LIN7A: variants seen among roughly 807,000 people sequenced by gnomAD.
The protein encoded by LIN7A is lin-7 cell polarity scaffold A.
LIN7A carries 25 observed loss-of-function variants against 29.8 expected under a neutral mutation model. The ratio of observed to expected loss-of-function variants is 0.84; its 90% CI spans 0.61 to 1.17. The LOEUF (loss-of-function observed/expected upper bound fraction) is 1.17. LIN7A is among the 50% of genes most tolerant of loss of function. LIN7A has a pLI of 0.00. For synonymous variants in LIN7A, 118 were observed against 107.5 expected, an observed-to-expected ratio of 1.10 and a Z score of -0.60; for missense variants, 239 against 287.0, an observed-to-expected ratio of 0.83 and a Z score of 1.21.
intron 1 of LIN7A, among the ~76,000 whole-genome samples, chr12:80,906,110 C>T (rs1021566784): frequency 6.6e-6 from 1 of 152,052 alleles, no homozygotes; most frequent in African/African-American, 2.4e-5. Context: ...ATTCTCTTGT[C>T]AGTAGATACA....
intron 4 of LIN7A, among the ~76,000 whole-genome samples, chr12:80,832,220 T>C (rs751434699): frequency 3.3e-5 from 5 of 152,202 alleles, no homozygotes; most frequent in Admixed American, 1.3e-4. Flanking sequence ...CTTAACTTGG[T>C]GTTTCTAGGA....
intron 4 of LIN7A, chr12:80,841,919 A>G: frequency 3.8e-6 from 4 of 1,039,920 alleles, no homozygotes; most frequent in Non-Finnish European, 4.7e-6. Context: ...TTCAGCATTC[A>G]GTTGTAAGGT....
At chr12:80,900,941 A>G (rs1876181683) in intron 1 of LIN7A, among the ~76,000 whole-genome samples, 1 of 152,186 alleles carries the variant, frequency 6.6e-6, no homozygotes, top group Non-Finnish European at 1.5e-5. Flanking sequence ...AAAGAACCGA[A>G]GGGTATGACT....
intron 4 of LIN7A, among the ~76,000 whole-genome samples, chr12:80,811,938 T>C (rs574572423): frequency 1.1e-3 from 172 of 152,278 alleles, no homozygotes; most frequent in Non-Finnish European, 2.0e-3. Context: ...AAGACCTAAA[T>C]TATAATGCTA....
chr12:80,918,854 T>C (rs562082517), intron 1 of LIN7A, among the ~76,000 whole-genome samples: 1 of 152,358 alleles, frequency 6.6e-6, no homozygotes, highest in South Asian at 2.1e-4. Context: ...AGGAGCTGCA[T>C]ATATGATAAT....
chr12:80,918,675 A>T (rs549664778), intron 1 of LIN7A, among the ~76,000 whole-genome samples: 12 of 152,256 alleles, frequency 7.9e-5, no homozygotes, highest in African/African-American at 2.9e-4. Context: ...TATCTGGCAC[A>T]TCTTGATATT....
chr12:80,880,592 A>G (rs1188003109), intron 2 of LIN7A, among the ~76,000 whole-genome samples: 1 of 152,180 alleles, frequency 6.6e-6, no homozygotes, highest in East Asian at 1.9e-4. Flanking sequence ...TGGTGAGGGC[A>G]ATATGTCTCT....
intron 1 of LIN7A, among the ~76,000 whole-genome samples, chr12:80,922,114 T>C (rs1281609340): frequency 2.6e-5 from 4 of 152,178 alleles, no homozygotes; most frequent in Non-Finnish European, 5.9e-5. Context: ...TGGTTAAAAA[T>C]AAAATTTTGG....
At chr12:80,878,145 T>C (rs1874814197) in intron 2 of LIN7A, among the ~76,000 whole-genome samples, 1 of 152,210 alleles carries the variant, frequency 6.6e-6, no homozygotes, top group South Asian at 2.1e-4. Context: ...AGAGTCATTA[T>C]AGATGATTTT....
At chr12:80,865,206 G>A (rs963157542) in intron 2 of LIN7A, among the ~76,000 whole-genome samples, 15 of 152,102 alleles carry the variant, frequency 9.9e-5, no homozygotes, top group Admixed American at 5.9e-4. Flanking sequence ...TGATAAGATT[G>A]TGTAGTCATA....
At chr12:80,910,577 TA>T (rs1473705897) in intron 1 of LIN7A, among the ~76,000 whole-genome samples, 1 of 152,204 alleles carries the variant, frequency 6.6e-6, no homozygotes, top group Non-Finnish European at 1.5e-5. Context: ...CTAGGTGTTT[TA>T]AAATCATGAA....
chr12:80,926,744 A>G (rs1290793054), intron 1 of LIN7A, among the ~76,000 whole-genome samples: 1 of 152,078 alleles, frequency 6.6e-6, no homozygotes, highest in Non-Finnish European at 1.5e-5. Context: ...GGTGGCTAAC[A>G]CGGTGAAACC....
rs1246654396 is a variant in LIN7A, at chr12:80,794,667, G to A, written c.*3060C>T. The A allele has an allele frequency of 1.3e-5, 2 of 152,104 alleles. No homozygotes were observed. The highest frequency in any genetic ancestry group is 4.8e-5 in the African/African-American group (2 of 41,422). The allele number at this position is 152,104 out of a possible 1,614,324, so 9.4% of individuals were successfully genotyped here. A position where few individuals can be genotyped will look rare whatever the true frequency, so the allele number is the denominator to read the frequency against. ...TAAAATCCTTAAAAAGCCTCTGCAT[G>A]CTAGATTTTGCATTTAGATCTAAGT... On this transcript the variant is annotated 3_prime_UTR_variant, in exon 6 of 6. Coordinates refer to ENST00000552864, the MANE Select transcript of LIN7A (RefSeq NM_004664.4).
intron 1 of LIN7A, among the ~76,000 whole-genome samples, chr12:80,926,535 G>C (rs958779534): frequency 6.6e-6 from 1 of 152,060 alleles, no homozygotes; most frequent in Non-Finnish European, 1.5e-5. Flanking sequence ...AATCAATCTG[G>C]AAATAATTAC....
intron 1 of LIN7A, among the ~76,000 whole-genome samples, chr12:80,901,488 C>T (rs1173438399): frequency 6.6e-6 from 1 of 152,114 alleles, no homozygotes; most frequent in East Asian, 1.9e-4. Flanking sequence ...AAAAAACAAT[C>T]TACCTTTTAT....
chr12:80,907,024 T>C (rs1231636548), intron 1 of LIN7A, among the ~76,000 whole-genome samples: 3 of 142,282 alleles, frequency 2.1e-5, no homozygotes, highest in Non-Finnish European at 4.5e-5. Context: ...GAAACAATGA[T>C]CATAATAGAA....
chr12:80,869,123 T>C (rs1004504438), intron 2 of LIN7A, among the ~76,000 whole-genome samples: 149 of 149,090 alleles, frequency 1.0e-3, no homozygotes, highest in African/African-American at 3.5e-3. Flanking sequence ...CACTTTAAAC[T>C]AAAGTATCTA....
At chr12:80,892,559 C>G (rs573599191) in intron 1 of LIN7A, among the ~76,000 whole-genome samples, 6 of 152,218 alleles carry the variant, frequency 3.9e-5, no homozygotes, top group Admixed American at 3.9e-4. Flanking sequence ...AGTTCTCAAC[C>G]TGGGCTGTGC....
intron 1 of LIN7A, among the ~76,000 whole-genome samples, chr12:80,926,821 C>T (rs539784781): frequency 2.0e-5 from 3 of 147,328 alleles, no homozygotes; most frequent in African/African-American, 5.0e-5. Flanking sequence ...CCCACCTATT[C>T]GGGAGGCTGA....
Sources: gnomAD v4.1 joint callset for allele counts (sites outside exome capture counted in the v4.1 genomes callset) on GRCh38, gnomAD v4.1.1 for gene constraint, MANE v1.5 for transcripts, NCBI Gene and HGNC (gene_info 2026-07-23, HGNC 2026-07-21) for gene names.